Variants in DSCAM observed in about 807,000 individuals in gnomAD.
DSCAM encodes the protein DS cell adhesion molecule, also known as cell adhesion molecule DSCAM.
Under a neutral mutation model 217.7 loss-of-function variants are expected in DSCAM, and 47 were observed. That is an observed-to-expected ratio of 0.22 (90% CI 0.17 to 0.28). DSCAM has a LOEUF of 0.28. Among genes scored for constraint, DSCAM ranks in the 10% least tolerant of loss-of-function variants. DSCAM has a pLI of 1.00. For synonymous variants in DSCAM, 1,056 were observed against 1,015.3 expected (o/e 1.04, Z -0.76); for missense variants, 2,080 against 2,618.3 (o/e 0.79, Z 4.49).
At chr21:40,100,800 T>C (rs535223955) in intron 20 of DSCAM, among the ~76,000 whole-genome samples, 3 of 152,340 alleles carry the variant, frequency 2.0e-5, no homozygotes, top group African/African-American at 7.2e-5. Flanking sequence ...AGAGACACTT[T>C]TCTTAATATT....
chr21:40,214,587 C>T (rs377103224), intron 11 of DSCAM, among the ~76,000 whole-genome samples: 44 of 152,020 alleles, frequency 2.9e-4, no homozygotes, highest in African/African-American at 9.4e-4. Context: ...CAGCCTACAC[C>T]GCTGTCTTTG....
At chr21:40,715,651 C>T (rs934936900) in intron 1 of DSCAM, among the ~76,000 whole-genome samples, 8 of 152,254 alleles carry the variant, frequency 5.3e-5, no homozygotes, top group East Asian at 3.9e-4. Context: ...TAGTTCAACA[C>T]GGCAGTTTTC....
intron 10 of DSCAM, among the ~76,000 whole-genome samples, chr21:40,281,182 G>A (rs1255017975): frequency 3.9e-5 from 6 of 152,086 alleles, no homozygotes; most frequent in Non-Finnish European, 7.4e-5. Flanking sequence ...GATTCCTAAC[G>A]TGTAAAATTA....
chr21:40,685,692 C>T (rs1277606768), intron 3 of DSCAM, among the ~76,000 whole-genome samples: 1 of 152,140 alleles, frequency 6.6e-6, no homozygotes, highest in Non-Finnish European at 1.5e-5. Flanking sequence ...TAAGTCACAG[C>T]CATGGATGCA....
rs528918625 is a variant in DSCAM at position 40,240,134 on chromosome 21, C to T, written c.2356+35963G>A. ...CCCTGGGCCCCCTGCAATGCAGATGCGGTGGGTCCCCAGACCCCACTTTGG... is the reference window on the plus strand; with the variant it reads ...CCCTGGGCCCCCTGCAATGCAGATGTGGTGGGTCCCCAGACCCCACTTTGG... On this transcript the variant is annotated intron_variant, in intron 11 of 32. Coordinates refer to ENST00000400454, the MANE Select transcript of DSCAM (RefSeq NM_001389.5). Among the ~76,000 whole-genome samples the T allele has an allele frequency of 5.9e-5, 9 of 152,270 alleles. 1 individual carries two copies. In the South Asian group the frequency reaches 1.0e-3, roughly 18 times the overall value.
rs143430202 is a variant in DSCAM at position 40,820,223 on chromosome 21, A to G, written c.43+26396T>C. 6.9e-3 allele frequency among the ~76,000 whole-genome samples: 1,045 copies of G among 152,318 alleles called. 10 individuals are homozygous for G. Among genetic ancestry groups the G allele is most frequent in the Non-Finnish European group, 0.011 (722 of 68,022 alleles). On this transcript the variant is annotated intron_variant, in intron 1 of 32. Transcript: ENST00000400454. ...TTGGAAACAACCCAAATGCCCATCAATGATAAACTAGATAAAGAAAATGTG... is the reference window on the plus strand; with the variant it reads ...TTGGAAACAACCCAAATGCCCATCAGTGATAAACTAGATAAAGAAAATGTG...
chr21:40,335,438 G>A (rs976995523), intron 8 of DSCAM, among the ~76,000 whole-genome samples: 21 of 152,084 alleles, frequency 1.4e-4, no homozygotes, highest in Admixed American at 2.6e-4. Context: ...AAGCTAGTTT[G>A]AGTTGGTTTC....
intron 11 of DSCAM, among the ~76,000 whole-genome samples, chr21:40,206,186 G>A (rs538209750): frequency 5.9e-5 from 9 of 152,206 alleles, no homozygotes; most frequent in Non-Finnish European, 1.0e-4. Flanking sequence ...GTGTGAGTCT[G>A]TGTGTGCCTG....
chr21:40,620,094 G>A (rs1362579589), intron 3 of DSCAM, among the ~76,000 whole-genome samples: 1 of 76,894 alleles, frequency 1.3e-5, no homozygotes, highest in African/African-American at 5.9e-5. Flanking sequence ...GAAAGAGAGA[G>A]AAAGAGAGAG....
intron 20 of DSCAM, among the ~76,000 whole-genome samples, chr21:40,110,329 A>T (rs1360710874): frequency 2.6e-5 from 4 of 152,272 alleles, no homozygotes. Flanking sequence ...CCTCCAGCAA[A>T]CTCCAACAGA....
chr21:40,526,878 G>A (rs764394456), intron 3 of DSCAM, among the ~76,000 whole-genome samples: 1 of 152,010 alleles, frequency 6.6e-6, no homozygotes, highest in Non-Finnish European at 1.5e-5. Flanking sequence ...TACAAAATAT[G>A]CTGGCAGGGG....
rs528193281 is a variant in DSCAM, at chr21:40,613,804, G to GAA, written c.508+79004_508+79005dup. Among the ~76,000 whole-genome samples, 14 of 138,514 alleles carry GAA rather than the reference G, an allele frequency of 1.0e-4. No individual in the cohort carries two copies. In the East Asian group the frequency reaches 1.5e-3, roughly 14 times the overall value. 90.9% of individuals were successfully genotyped at this position (138,514 alleles called of 152,430 possible). On this transcript the variant is annotated intron_variant, in intron 3 of 32. Coordinates refer to ENST00000400454, the MANE Select transcript of DSCAM (RefSeq NM_001389.5). ...GATGGGCTATAATTTAGCAGAGAAG[G>GAA]AAAAAAAAAAAAGGCAATCCAATTA... is the stretch of plus-strand genomic sequence containing the variant.
chr21:40,309,094 GT>G (rs1305151072), intron 9 of DSCAM, among the ~76,000 whole-genome samples: 11 of 152,090 alleles, frequency 7.2e-5, no homozygotes, highest in Non-Finnish European at 1.5e-4. Flanking sequence ...AAAGTATCCA[GT>G]CTTAAAAATA....
chr21:40,785,082 A>T (rs2091581029), intron 1 of DSCAM, among the ~76,000 whole-genome samples: 1 of 152,236 alleles, frequency 6.6e-6, no homozygotes, highest in African/African-American at 2.4e-5. Context: ...AGCTTTTTAG[A>T]AGTAGAGACC....
At position 40,011,088 on chromosome 21, in the gene DSCAM, T is replaced by C. The variant is rs2088049718; in HGVS notation, c.*1946A>G. ...GTTTGGGGGATATAGAAGTTTTAGG[T>C]TGATGAAAGATAGACTTTTAATTTT... On this transcript the variant is annotated 3_prime_UTR_variant, in exon 33 of 33. Transcript: ENST00000400454. The C allele has an allele frequency of 6.6e-6, 1 of 152,094 alleles. No homozygotes were observed. The highest frequency in any genetic ancestry group is 1.5e-5 in the Non-Finnish European group (1 of 68,018). The allele number at this position is 152,094 out of a possible 1,614,324, so 9.4% of individuals were successfully genotyped here. A position where few individuals can be genotyped will look rare whatever the true frequency, so the allele number is the denominator to read the frequency against.
intron 1 of DSCAM, among the ~76,000 whole-genome samples, chr21:40,754,646 A>T (rs1601216405): frequency 6.6e-6 from 1 of 152,134 alleles, no homozygotes; most frequent in South Asian, 2.1e-4. Context: ...AGGCACTTTC[A>T]CCTGCCAAAG....
At chr21:40,017,815 G>A (rs955487456) in intron 32 of DSCAM, among the ~76,000 whole-genome samples, 3 of 152,230 alleles carry the variant, frequency 2.0e-5, no homozygotes, top group Admixed American at 1.3e-4. Context: ...GCCTCCCAAA[G>A]TGTTGGGATT....
At chr21:40,164,775 C>A (rs2090576192) in intron 16 of DSCAM, among the ~76,000 whole-genome samples, 1 of 151,998 alleles carries the variant, frequency 6.6e-6, no homozygotes, top group South Asian at 2.1e-4. Context: ...GCACTCCAGC[C>A]TGGGCGACAG....
At chr21:40,521,864 C>T (rs1444230482) in intron 3 of DSCAM, among the ~76,000 whole-genome samples, 1 of 152,000 alleles carries the variant, frequency 6.6e-6, no homozygotes, top group Non-Finnish European at 1.5e-5. Context: ...TGTATGTTCC[C>T]CAGAAAGAAA....
Sources: allele counts gnomAD v4.1 joint callset (sites outside exome capture counted in the v4.1 genomes callset), GRCh38; gene constraint gnomAD v4.1.1; transcripts MANE v1.5; gene names NCBI Gene and HGNC (gene_info 2026-07-23, HGNC 2026-07-21).